Variants in P2RY12 observed in about 807,000 individuals in gnomAD.
The protein encoded by P2RY12 is purinergic receptor P2Y12, also known as P2Y purinoceptor 12.
In P2RY12, 3 loss-of-function variants were observed where a neutral mutation model predicts 4.5. The ratio of observed to expected loss-of-function variants is 0.67; its 90% CI spans 0.31 to 1.74. The LOEUF (loss-of-function observed/expected upper bound fraction) is 1.74, where lower values mean the gene tolerates loss of function less well. Ranked by LOEUF, P2RY12 falls within the 40% of genes most tolerant of loss-of-function variation. The probability of loss-of-function intolerance (pLI) is 0.09; values close to 1 mark genes in which losing one functional copy is unlikely to be tolerated. For missense variants in P2RY12, 356 were observed against 407.8 expected, an observed-to-expected ratio of 0.87 and a Z score of 1.09; for synonymous variants, 148 against 154.1, an observed-to-expected ratio of 0.96 and a Z score of 0.29.
At chr3:151,345,901 G>C (rs1193442232) in intron 1 of P2RY12, among the ~76,000 whole-genome samples, 1 of 152,158 alleles carries the variant, frequency 6.6e-6, no homozygotes, top group East Asian at 1.9e-4. Flanking sequence ...GCCTCTGCCT[G>C]TCCTATTTGA....
chr3:151,380,055 A>G, intron 1 of P2RY12: 7 of 1,071,468 alleles, frequency 6.5e-6, no homozygotes, highest in Non-Finnish European at 8.2e-6. Context: ...GAATGTTGCC[A>G]GAGGAAGTAA....
intron 1 of P2RY12, chr3:151,375,877 A>T (rs879821356): frequency 2.1e-6 from 1 of 469,092 alleles, no homozygotes; most frequent in Non-Finnish European, 3.4e-6. Context: ...GTTTTTTAAA[A>T]TTTTTCTACC....
At chr3:151,365,214 G>A (rs1560081268) in intron 1 of P2RY12, 7 of 1,605,918 alleles carry the variant, frequency 4.4e-6, no homozygotes, top group Non-Finnish European at 6.0e-6. Flanking sequence ...CAGGTGAGAT[G>A]GGTTACCCTG....
chr3:151,337,633 C>G lies in P2RY12; in HGVS notation c.*184G>C, dbSNP rs767962. 3.2e-6 allele frequency: 2 copies of G among 629,752 alleles called. No individual in the cohort carries two copies. The highest frequency in any genetic ancestry group is 3.7e-5 in the African/African-American group (2 of 54,266). 39.0% of individuals were successfully genotyped at this position (629,752 alleles called of 1,614,324 possible). A position where few individuals can be genotyped will look rare whatever the true frequency, so the allele number is the denominator to read the frequency against. On this transcript the variant is annotated 3_prime_UTR_variant, in exon 3 of 3. Transcript: ENST00000302632. The stretch of plus-strand genomic sequence containing the variant: ...TACAGCTACAGTTTAGATTAGTTTT[C>G]TATATTTTAAGATAGCTTTTCATAC...
intron 2 of P2RY12, among the ~76,000 whole-genome samples, chr3:151,339,190 G>A (rs1220311410): frequency 2.0e-5 from 3 of 152,024 alleles, no homozygotes; most frequent in African/African-American, 2.4e-5. Flanking sequence ...GAGAAATAAT[G>A]GGGCTGTGCT....
chr3:151,377,449 A>C (rs1756980317), intron 1 of P2RY12, among the ~76,000 whole-genome samples: 1 of 152,208 alleles, frequency 6.6e-6, no homozygotes, highest in Non-Finnish European at 1.5e-5. Flanking sequence ...TGTGTTACGT[A>C]GTATTCATTA....
chr3:151,365,092 G>A (rs758782381), intron 1 of P2RY12: 29 of 1,613,852 alleles, frequency 1.8e-5, no homozygotes, highest in Non-Finnish European at 2.3e-5. Flanking sequence ...CCCTCAGCCC[G>A]CAGCATCAAC....
intron 1 of P2RY12, chr3:151,357,465 G>A (rs2150060669): frequency 1.7e-6 from 2 of 1,169,628 alleles, no homozygotes; most frequent in African/African-American, 1.5e-5. Flanking sequence ...AAGAAAAATA[G>A]TACTGATACC....
intron 1 of P2RY12, among the ~76,000 whole-genome samples, chr3:151,354,140 C>CAAAAAAAAAA (rs63033360): frequency 1.6e-4 from 10 of 62,838 alleles, no homozygotes; most frequent in Admixed American, 2.3e-4. Flanking sequence ...GACTCCGTCT[C>CAAAAAAAAAA]AAAAAAAAAA....
rs532195126 is a variant in P2RY12 at position 151,351,280 on chromosome 3, T to TAC, written c.-179-10522_-179-10521dup. Reference sequence around the variant, plus strand: ...TCATGGTGCACATGCAGAAACATGGTACAAGAGGCAGTGTGTTTCTATCTG... The same window carrying TAC: ...TCATGGTGCACATGCAGAAACATGGTACACAAGAGGCAGTGTGTTTCTATCTG... On this transcript the variant is annotated intron_variant, in intron 1 of 2. Transcript: ENST00000302632. Among the ~76,000 whole-genome samples the TAC allele has an allele frequency of 2.3e-4, 35 of 152,352 alleles. No homozygotes were observed. The East Asian group carries it at 6.4e-3, about 28-fold the overall frequency.
chr3:151,355,282 A>G (rs1357036397), intron 1 of P2RY12: 1 of 1,410,978 alleles, frequency 7.1e-7, no homozygotes, highest in East Asian at 2.3e-5. Context: ...CAGTATTCTA[A>G]TTTACTTAAA....
intron 1 of P2RY12, chr3:151,357,153 A>G (rs3732760): frequency 5.1e-6 from 7 of 1,371,162 alleles, no homozygotes; most frequent in Non-Finnish European, 6.9e-6. Flanking sequence ...TATAAAAATA[A>G]ATGTTTTCTC....
At position 151,371,557 on chromosome 3, in the gene P2RY12, A is replaced by AT. The variant is rs1033801476; in HGVS notation, c.-180+13134dup. Among the ~76,000 whole-genome samples the AT allele has an allele frequency of 7.2e-5, 11 of 152,210 alleles. No homozygotes were observed. In the East Asian group the frequency reaches 7.7e-4, roughly 11 times the overall value. ...TTTGTTAGTAAATACTCAGTAAGCC[A>AT]TTTTTTTCAGCAAAGTCAAAACTTT... On this transcript the variant is annotated intron_variant, in intron 1 of 2. Coordinates refer to ENST00000302632, the MANE Select transcript of P2RY12 (RefSeq NM_022788.5).
At chr3:151,380,314 G>A in intron 1 of P2RY12, 2 of 877,720 alleles carry the variant, frequency 2.3e-6, no homozygotes, top group Non-Finnish European at 3.5e-6. Flanking sequence ...AAATTAATAA[G>A]GGCCAGGTGT....
chr3:151,359,121 T>C (rs1455377767), intron 1 of P2RY12, among the ~76,000 whole-genome samples: 1 of 152,132 alleles, frequency 6.6e-6, no homozygotes, highest in African/African-American at 2.4e-5. Flanking sequence ...TCTGTTGTTC[T>C]CATCCTTATG....
rs1367803678 is a variant in P2RY12, at chr3:151,368,672, TTCATG to T, written c.-180+16015_-180+16019del. Among the ~76,000 whole-genome samples the T allele has an allele frequency of 4.4e-3, 287 of 65,076 alleles. 1 individual carries two copies. The highest frequency in any genetic ancestry group is 0.016 in the African/African-American group (253 of 15,836). 42.7% of individuals were successfully genotyped at this position (65,076 alleles called of 152,430 possible). A position where few individuals can be genotyped will look rare whatever the true frequency, so the allele number is the denominator to read the frequency against. ...TTCATTTCATTTCATTTCATTTCAT[TTCATG>T]TCATTTCATTTTATTTCATTTCATT... On this transcript the variant is annotated intron_variant, in intron 1 of 2. Coordinates refer to ENST00000302632, the MANE Select transcript of P2RY12 (RefSeq NM_022788.5).
At chr3:151,350,001 T>A in intron 1 of P2RY12, 1 of 1,558,328 alleles carries the variant, frequency 6.4e-7, no homozygotes, top group Non-Finnish European at 8.8e-7. Context: ...TTCAGGGATA[T>A]GAAATGCAAC....
At chr3:151,340,159 A>G (rs184735511) in intron 2 of P2RY12, among the ~76,000 whole-genome samples, 1 of 152,272 alleles carries the variant, frequency 6.6e-6, no homozygotes, top group Non-Finnish European at 1.5e-5. Flanking sequence ...ATGTTTTCCA[A>G]TACAAGATCA....
chr3:151,380,242 A>G, intron 1 of P2RY12: 3 of 1,453,874 alleles, frequency 2.1e-6, no homozygotes, highest in East Asian at 2.3e-5. Context: ...ATAGTATAAT[A>G]TTAAGACAGG....
Sources: allele counts gnomAD v4.1 joint callset (sites outside exome capture counted in the v4.1 genomes callset), GRCh38; gene constraint gnomAD v4.1.1; transcripts MANE v1.5; gene names NCBI Gene and HGNC (gene_info 2026-07-23, HGNC 2026-07-21).